The following SYT14 variants were observed in gnomAD, a reference collection of about 807,000 sequenced individuals.
The protein encoded by SYT14 is synaptotagmin 14.
In SYT14, 32 loss-of-function variants were observed where a neutral mutation model predicts 74.2. The observed-to-expected ratio is 0.43, with a 90% confidence interval of 0.33 to 0.58. The LOEUF (loss-of-function observed/expected upper bound fraction) is 0.58, where lower values mean the gene tolerates loss of function less well. Among genes scored for constraint, SYT14 ranks in the 20% least tolerant of loss-of-function variants. The pLI is 0.05. For synonymous variants in SYT14, 298 were observed against 337.7 expected (o/e 0.88, Z 1.29); for missense variants, 791 against 981.8 (o/e 0.81, Z 2.60).
chr1:210,161,683 T>C (rs4271216), exon 10 of SYT14: 129,792 of 453,462 alleles, frequency 0.29, 20,336 homozygotes, highest in East Asian at 0.42. Flanking sequence ...TAATATGTTA[T>C]TTTTTTAAAA....
intron 7 of SYT14, among the ~76,000 whole-genome samples, chr1:210,134,907 T>C (rs2082750745): frequency 6.6e-6 from 1 of 152,158 alleles, no homozygotes; most frequent in Non-Finnish European, 1.5e-5. Context: ...CTGATACATA[T>C]ATATGAGACC....
intron 7 of SYT14, among the ~76,000 whole-genome samples, chr1:210,129,597 C>T (rs1206540245): frequency 1.3e-5 from 2 of 152,188 alleles, no homozygotes; most frequent in Non-Finnish European, 2.9e-5. Flanking sequence ...TTTATTTAAA[C>T]TTTCTTGATA....
intron 2 of SYT14, among the ~76,000 whole-genome samples, chr1:210,005,633 C>T (rs1351860318): frequency 6.6e-6 from 1 of 151,832 alleles, no homozygotes; most frequent in Non-Finnish European, 1.5e-5. Context: ...AATGACTATG[C>T]TTTGCTGTAG....
At chr1:210,018,280 C>T (rs1422106285) in intron 4 of SYT14, among the ~76,000 whole-genome samples, 4 of 152,104 alleles carry the variant, frequency 2.6e-5, no homozygotes, top group African/African-American at 9.7e-5. Flanking sequence ...ACTACAGGCA[C>T]GCACCACCAC....
chr1:210,089,279 T>C lies in SYT14; in HGVS notation c.1313-5043T>C, dbSNP rs560193017. Among the ~76,000 whole-genome samples, 211 of 152,366 alleles carry C rather than the reference T, an allele frequency of 1.4e-3. 1 individual carries two copies. Among genetic ancestry groups the C allele is most frequent in the African/African-American group, 4.8e-3 (200 of 41,590 alleles). ...CACATTTTCTTTATCCAGTCTATCA[T>C]TGATGGGCATTTGGGTTGGTTCCAA... On this transcript the variant is annotated intron_variant, in intron 5 of 9. Coordinates refer to ENST00000637265, the Ensembl canonical transcript of SYT14.
chr1:210,139,354 AG>A (rs1405722352), intron 7 of SYT14, among the ~76,000 whole-genome samples: 1 of 146,384 alleles, frequency 6.8e-6, no homozygotes, highest in Non-Finnish European at 1.5e-5. Flanking sequence ...CTAGGATTAC[AG>A]GTGTGAGCCA....
At chr1:210,096,457 C>G (rs1023484236) in intron 6 of SYT14, among the ~76,000 whole-genome samples, 2 of 152,116 alleles carry the variant, frequency 1.3e-5, no homozygotes, top group African/African-American at 4.8e-5. Flanking sequence ...TGGATGAAAT[C>G]AGAAATCCAT....
At chr1:210,028,224 G>C (rs546821674) in intron 5 of SYT14, among the ~76,000 whole-genome samples, 4 of 152,198 alleles carry the variant, frequency 2.6e-5, no homozygotes, top group African/African-American at 9.6e-5. Flanking sequence ...CCATGTTGTA[G>C]CATGTATCAG....
chr1:210,013,610 G>A (rs1481637268), intron 2 of SYT14, 23 bp from the exon 3 acceptor site: 1 of 1,607,140 alleles, frequency 6.2e-7, no homozygotes, highest in South Asian at 1.1e-5. Flanking sequence ...AATGCTTACA[G>A]CTGTGACTTT....
At position 210,094,408 on chromosome 1, in the gene SYT14, C is replaced by T. The variant is rs145167760; in HGVS notation, c.1399C>T (p.Leu467=). ...TCAGGATGACAGTGGTTCTCCCCAT[C>T]TGTCATGTACACCCTCAGAAATTGG... is the stretch of plus-strand genomic sequence containing the variant. Residue 467 remains leucine (L), a synonymous_variant, in exon 6 of 10, where the codon CTG becomes TTG. Coordinates refer to ENST00000637265, the Ensembl canonical transcript of SYT14. The T allele has an allele frequency of 1.3e-3, 2,080 of 1,613,986 alleles. 7 individuals carry two copies. Among genetic ancestry groups the T allele is most frequent in the South Asian group, 4.8e-3 (433 of 91,076 alleles).
intron 5 of SYT14, among the ~76,000 whole-genome samples, chr1:210,036,929 G>A (rs2080677615): frequency 6.6e-6 from 1 of 151,944 alleles, no homozygotes; most frequent in Admixed American, 6.6e-5. Flanking sequence ...TTGGTGTAAG[G>A]GTGATACTGG....
chr1:210,026,340 C>T (rs140152281), intron 5 of SYT14, among the ~76,000 whole-genome samples: 60 of 152,016 alleles, frequency 3.9e-4, no homozygotes, highest in African/African-American at 1.3e-3. Flanking sequence ...TTCACTCATG[C>T]TAATTAATAC....
intron 2 of SYT14, among the ~76,000 whole-genome samples, chr1:209,966,306 G>A (rs1231220709): frequency 6.6e-6 from 1 of 151,954 alleles, no homozygotes. Flanking sequence ...AGATTCATTC[G>A]CTCTTCCAGA....
intron 7 of SYT14, among the ~76,000 whole-genome samples, chr1:210,151,331 C>G (rs781208396): frequency 6.6e-6 from 1 of 151,986 alleles, no homozygotes; most frequent in Non-Finnish European, 1.5e-5. Context: ...AGCAGCATGC[C>G]CTGAGGAGTA....
intron 5 of SYT14, among the ~76,000 whole-genome samples, chr1:210,075,527 G>T (rs1325212198): frequency 6.6e-6 from 1 of 152,058 alleles, no homozygotes; most frequent in Non-Finnish European, 1.5e-5. Flanking sequence ...TAGAGACGGG[G>T]TTTCACCATG....
chr1:210,037,702 G>A (rs1572195410), intron 5 of SYT14, among the ~76,000 whole-genome samples: 1 of 151,544 alleles, frequency 6.6e-6, no homozygotes, highest in African/African-American at 2.4e-5. Context: ...TTCAAAGATC[G>A]CTCAGGAGCA....
chr1:210,072,816 A>G (rs1182551273), intron 5 of SYT14, among the ~76,000 whole-genome samples: 4 of 151,956 alleles, frequency 2.6e-5, no homozygotes, highest in African/African-American at 9.7e-5. Flanking sequence ...CAGTAGTTAA[A>G]ATTCTTATTG....
chr1:210,161,615 T>G, exon 10 of SYT14: 1 of 453,990 alleles, frequency 2.2e-6, no homozygotes, highest in Non-Finnish European at 4.4e-6. Flanking sequence ...CCTCAGTTCC[T>G]CTCAAAAGCA....
rs570999034 is a variant in SYT14 at position 209,983,239 on chromosome 1, G to T, written c.-485-30394G>T. On this transcript the variant is annotated intron_variant, in intron 2 of 9. Coordinates refer to ENST00000637265, the Ensembl canonical transcript of SYT14. Reference sequence around the variant, plus strand: ...TATCAACTATTTTTTTTCATGGATTGTGCCTTTGGTGTTATATTTACAAAG... The same window carrying T: ...TATCAACTATTTTTTTTCATGGATTTTGCCTTTGGTGTTATATTTACAAAG... Among the ~76,000 whole-genome samples, 6 of 151,870 alleles carry T rather than the reference G, an allele frequency of 4.0e-5. No individual in the cohort carries two copies. In the South Asian group the frequency reaches 1.2e-3, roughly 32 times the overall value.
Sources: allele counts gnomAD v4.1 joint callset (sites outside exome capture counted in the v4.1 genomes callset), GRCh38; gene constraint gnomAD v4.1.1; transcripts MANE v1.5; gene names NCBI Gene and HGNC (gene_info 2026-07-23, HGNC 2026-07-21).